ELAPOR1: variants seen among roughly 807,000 people sequenced by gnomAD.
ELAPOR1 encodes endosome-lysosome associated apoptosis and autophagy regulator 1, also known as endosome/lysosome-associated apoptosis and autophagy regulator 1.
ELAPOR1 carries 77 observed loss-of-function variants against 119.7 expected under a neutral mutation model. That is an observed-to-expected ratio of 0.64 (90% CI 0.54 to 0.78). ELAPOR1 has a LOEUF of 0.78. Among genes scored for constraint, ELAPOR1 ranks in the 30% least tolerant of loss-of-function variants. ELAPOR1 has a pLI of 0.00. For missense variants in ELAPOR1, 1,115 were observed against 1,270.4 expected, an observed-to-expected ratio of 0.88 and a Z score of 1.86; for synonymous variants, 481 against 487.2, an observed-to-expected ratio of 0.99 and a Z score of 0.17.
rs1283419212 is a variant in ELAPOR1 at position 109,114,347 on chromosome 1, C to G, written c.153+11C>G. 3 of 1,570,112 alleles carry G rather than the reference C, an allele frequency of 1.9e-6. No individual in the cohort carries two copies. Among genetic ancestry groups the G allele is most frequent in the Middle Eastern group, 1.7e-4 (1 of 5,996 alleles). On this transcript the variant is annotated intron_variant, in intron 1 of 21. Coordinates refer to ENST00000369939, the MANE Select transcript of ELAPOR1 (RefSeq NM_020775.5). ...CATGCCTGCAAAGAGGTACTGCCGC[C>G]CCCCTACCCGATCCCGCTTTGGTCA... is the stretch of plus-strand genomic sequence containing the variant.
intron 17 of ELAPOR1, among the ~76,000 whole-genome samples, chr1:109,198,369 G>A (rs1454003860): frequency 6.6e-6 from 1 of 152,210 alleles, no homozygotes; most frequent in Non-Finnish European, 1.5e-5. Context: ...TCCTAAACCA[G>A]GGCATTTCCC....
Position 109,204,990 on chromosome 1 carries a change from A to C in ELAPOR1, c.*1978A>C, listed in dbSNP as rs1654404639. On this transcript the variant is annotated 3_prime_UTR_variant, in exon 22 of 22. Coordinates refer to ENST00000369939, the MANE Select transcript of ELAPOR1 (RefSeq NM_020775.5). ...TTCATTCTCAATTGCTTTGTGTGATAAAAAACTAAAGAGACTTCTGGTCCA... is the reference window on the plus strand; with the variant it reads ...TTCATTCTCAATTGCTTTGTGTGATCAAAAACTAAAGAGACTTCTGGTCCA... 6.6e-6 allele frequency: 1 copy of C among 152,216 alleles called. No individual in the cohort carries two copies. The highest frequency in any genetic ancestry group is 1.5e-5 in the Non-Finnish European group (1 of 68,036). The allele number at this position is 152,216 out of a possible 1,614,324, so 9.4% of individuals were successfully genotyped here.
At chr1:109,157,647 G>A (rs1650966661) in intron 1 of ELAPOR1, among the ~76,000 whole-genome samples, 1 of 152,152 alleles carries the variant, frequency 6.6e-6, no homozygotes. Flanking sequence ...GGCAGCTATG[G>A]CTTAGGGAAG....
intron 1 of ELAPOR1, among the ~76,000 whole-genome samples, chr1:109,146,668 G>A (rs1158500868): frequency 6.6e-6 from 1 of 152,198 alleles, no homozygotes; most frequent in African/African-American, 2.4e-5. Context: ...GCAAAAGCAG[G>A]CACTGTAACC....
intron 7 of ELAPOR1, among the ~76,000 whole-genome samples, chr1:109,182,909 G>A (rs1223064581): frequency 6.6e-6 from 1 of 150,714 alleles, no homozygotes; most frequent in Non-Finnish European, 1.5e-5. Context: ...ACACCATACT[G>A]CTTGCCAGGT....
intron 1 of ELAPOR1, among the ~76,000 whole-genome samples, chr1:109,152,690 C>A (rs1650606077): frequency 6.6e-6 from 1 of 152,032 alleles, no homozygotes; most frequent in Non-Finnish European, 1.5e-5. Context: ...ACACCTGAAT[C>A]CCAGCACTTT....
chr1:109,179,435 G>A (rs964213993), intron 7 of ELAPOR1, among the ~76,000 whole-genome samples: 1 of 150,420 alleles, frequency 6.6e-6, no homozygotes, highest in African/African-American at 2.4e-5. Flanking sequence ...AAAAAGAAGT[G>A]TGAGCAAAGG....
chr1:109,195,683 G>A (rs1022878393), intron 15 of ELAPOR1, among the ~76,000 whole-genome samples: 1 of 152,192 alleles, frequency 6.6e-6, no homozygotes, highest in South Asian at 2.1e-4. Context: ...TTTGCTGACA[G>A]TATGAAAGAA....
At chr1:109,174,333 G>C (rs1225179210) in intron 7 of ELAPOR1, among the ~76,000 whole-genome samples, 1 of 135,726 alleles carries the variant, frequency 7.4e-6, no homozygotes. Context: ...AGATCAATTG[G>C]GCCTAGGAGG....
At chr1:109,197,682 T>G (rs1438435142) in intron 16 of ELAPOR1, 28 bp downstream of exon 16, 11 of 1,365,450 alleles carry the variant, frequency 8.1e-6, no homozygotes, top group Non-Finnish European at 1.1e-5. Flanking sequence ...CTCAGCCTTG[T>G]TTGAGAGTGT....
intron 7 of ELAPOR1, among the ~76,000 whole-genome samples, chr1:109,177,174 A>G (rs1469675037): frequency 7.1e-6 from 1 of 140,480 alleles, no homozygotes; most frequent in Non-Finnish European, 1.6e-5. Flanking sequence ...ACTTCCCAGT[A>G]GGGGCGGCCG....
chr1:109,133,996 C>A (rs187845475), intron 1 of ELAPOR1, among the ~76,000 whole-genome samples: 9 of 152,274 alleles, frequency 5.9e-5, no homozygotes, highest in Admixed American at 2.6e-4. Context: ...AGTGATGTTG[C>A]GCCAGCCTGG....
intron 14 of ELAPOR1, 81 bp from the exon 15 acceptor site, chr1:109,194,340 G>C: frequency 7.6e-7 from 1 of 1,320,578 alleles, no homozygotes; most frequent in Non-Finnish European, 1.1e-6. Context: ...GACCAGACGG[G>C]GGAGAAAACT....
rs1201252478 is a variant in ELAPOR1, at chr1:109,162,147, C to T, written c.274+133C>T. The T allele has an allele frequency of 4.3e-6, 4 of 940,966 alleles. No homozygotes were observed. The East Asian group carries it at 1.1e-4, about 25-fold the overall frequency. The allele number at this position is 940,966 out of a possible 1,614,324, so 58.3% of individuals were successfully genotyped here. ...GAATCAGATCTTTTCCCCAATTAGT[C>T]CCCACATCCCAGACCCTTATGAGAT... On this transcript the variant is annotated intron_variant, in intron 2 of 21. Coordinates refer to ENST00000369939, the MANE Select transcript of ELAPOR1 (RefSeq NM_020775.5).
At chr1:109,130,125 CT>C (rs1309963169) in intron 1 of ELAPOR1, among the ~76,000 whole-genome samples, 1 of 152,196 alleles carries the variant, frequency 6.6e-6, no homozygotes, top group African/African-American at 2.4e-5. Context: ...GGCATAAGGC[CT>C]TGAAATTTGG....
At position 109,192,868 on chromosome 1, in the gene ELAPOR1, C is replaced by G; in HGVS notation, c.1941C>G (p.Asn647Lys). The stretch of plus-strand genomic sequence containing the variant: ...TGCCCTGTGGTCCAGGGACCAAGAA[C>G]AACAAGGTACCTGTAGTCTGGCATG... Reference protein sequence around the residue: ...ACVPCGPGTKNNKIHSLCYND... With the variant: ...ACVPCGPGTKKNKIHSLCYND... The change falls in exon 14 of 22, where the codon AAC becomes AAG. Residue 647 changes from asparagine to lysine, a missense_variant. Asn to Lys is a moderately conservative substitution (Grantham distance 94). Coordinates refer to ENST00000369939, the MANE Select transcript of ELAPOR1 (RefSeq NM_020775.5). The G allele has an allele frequency of 6.2e-7, 1 of 1,613,750 alleles. No homozygotes were observed.
rs1416436473 is a variant in ELAPOR1, at chr1:109,164,708, C to A, written c.467+17C>A. Reference sequence around the variant, plus strand: ...CTGTACTTCGTGAGTCTGCACACACCCCCACCCCACCCCCAGCCCACTGGG... The same window carrying A: ...CTGTACTTCGTGAGTCTGCACACACACCCACCCCACCCCCAGCCCACTGGG... On this transcript the variant is annotated intron_variant, in intron 3 of 21. Transcript: ENST00000369939. The A allele has an allele frequency of 6.3e-7, 1 of 1,596,430 alleles. No individual in the cohort carries two copies. The highest frequency in any genetic ancestry group is 1.7e-5 in the Admixed American group (1 of 59,240).
At position 109,189,685 on chromosome 1, in the gene ELAPOR1, G is replaced by T. The variant is rs759759552; in HGVS notation, c.1439+3G>T. 6 of 1,613,166 alleles carry T rather than the reference G, an allele frequency of 3.7e-6. No individual in the cohort carries two copies. The South Asian group carries it at 5.5e-5, about 15-fold the overall frequency. On this transcript the variant is annotated splice_donor_region_variant and intron_variant, in intron 11 of 21. Coordinates refer to ENST00000369939, the MANE Select transcript of ELAPOR1 (RefSeq NM_020775.5). The stretch of plus-strand genomic sequence containing the variant: ...ACTCTGGTTGTGCCAGGATTTAGGT[G>T]AGGAATCCAAAGCCCAGGGGAGTCC...
At chr1:109,130,570 C>T (rs1649097458) in intron 1 of ELAPOR1, among the ~76,000 whole-genome samples, 3 of 151,940 alleles carry the variant, frequency 2.0e-5, no homozygotes, top group African/African-American at 4.8e-5. Flanking sequence ...TGGTCTCCAA[C>T]TCTTGAGCTC....
Sources: allele counts gnomAD v4.1 joint callset (sites outside exome capture counted in the v4.1 genomes callset), GRCh38; gene constraint gnomAD v4.1.1; transcripts MANE v1.5; gene names NCBI Gene and HGNC (gene_info 2026-07-23, HGNC 2026-07-21).